The following CIP2A variants were observed in gnomAD, a reference collection of about 807,000 sequenced individuals.
CIP2A encodes the protein protein CIP2A.
CIP2A carries 103 observed loss-of-function variants against 110.9 expected under a neutral mutation model. The ratio of observed to expected loss-of-function variants is 0.93; its 90% CI spans 0.79 to 1.09. CIP2A has a LOEUF of 1.09. CIP2A is among the 50% of genes least tolerant of loss of function. The pLI, the probability that CIP2A is intolerant of heterozygous loss-of-function variation, is 0.00. For synonymous variants in CIP2A, 381 were observed against 361.6 expected, an observed-to-expected ratio of 1.05 and a Z score of -0.61; for missense variants, 1,088 against 1,038.4, an observed-to-expected ratio of 1.05 and a Z score of -0.66.
chr3:108,573,221 T>A (rs745774397), intron 8 of CIP2A, among the ~76,000 whole-genome samples: 2 of 152,014 alleles, frequency 1.3e-5, no homozygotes, highest in Middle Eastern at 3.2e-3. Flanking sequence ...TGCAGTATGT[T>A]CATGAAAGAT....
At chr3:108,579,498 A>G in intron 6 of CIP2A, 68 bp downstream of exon 6, 4 of 1,560,056 alleles carry the variant, frequency 2.6e-6, no homozygotes, top group Non-Finnish European at 3.5e-6. Flanking sequence ...GTAAAAATAA[A>G]AAAGTCTCAA....
intron 10 of CIP2A, among the ~76,000 whole-genome samples, chr3:108,567,275 T>G (rs1228944243): frequency 1.3e-5 from 2 of 151,624 alleles, no homozygotes; most frequent in African/African-American, 2.4e-5. Context: ...CTCCAGGTGA[T>G]TTTAGGTAGG....
At chr3:108,571,119 C>T (rs919860714) in intron 8 of CIP2A, among the ~76,000 whole-genome samples, 1 of 152,158 alleles carries the variant, frequency 6.6e-6, no homozygotes, top group African/African-American at 2.4e-5. Flanking sequence ...GGCAGTAACA[C>T]ACAGGGAGCT....
In CIP2A at chr3:108,585,149, A is replaced by G; in HGVS notation, c.166T>C (p.Leu56=). The change falls in exon 2 of 21, where the codon TTG becomes CTG. Residue 56 remains leucine, a synonymous_variant. Coordinates refer to ENST00000295746, the MANE Select transcript of CIP2A (RefSeq NM_020890.3). ...TSNQILTSEC[L]SCLVELLEDP... ...TCAAGTAGCTCTACAAGGCAACTCA[A>G]GCATTCACTTGTTAATATCTGATTT... The G allele has an allele frequency of 6.2e-7, 1 of 1,613,278 alleles. No homozygotes were observed. Among genetic ancestry groups the G allele is most frequent in the African/African-American group, 1.3e-5 (1 of 75,020 alleles).
At chr3:108,565,999 T>A (rs897529342) in intron 11 of CIP2A, among the ~76,000 whole-genome samples, 2 of 151,716 alleles carry the variant, frequency 1.3e-5, no homozygotes, top group African/African-American at 4.8e-5. Flanking sequence ...TAGATGGACT[T>A]AATTCATGAG....
chr3:108,566,148 T>G (rs1384013305), intron 11 of CIP2A, among the ~76,000 whole-genome samples: 3 of 151,780 alleles, frequency 2.0e-5, no homozygotes, highest in Non-Finnish European at 4.4e-5. Flanking sequence ...GTAATAAAAC[T>G]ACTCTTCTGT....
chr3:108,568,198 T>C lies in CIP2A; in HGVS notation c.1230A>G (p.Arg410=), dbSNP rs780329426. The change falls in exon 10 of 21, where the codon AGA becomes AGG. Residue 410 remains arginine, a synonymous_variant. Coordinates refer to ENST00000295746, the MANE Select transcript of CIP2A (RefSeq NM_020890.3). ...TEQNLDEALT[R]KKCERIAKAI... ...CCTTGGCAATCCTTTCACATTTTTT[T>C]CTTGTTAAAGCCTCATCTAGATTTT... 4 of 1,612,126 alleles carry C rather than the reference T, an allele frequency of 2.5e-6. No individual in the cohort carries two copies. In the African/African-American group the frequency reaches 4.0e-5, roughly 16 times the overall value.
Position 108,554,480 on chromosome 3 carries a change from ACTTTC to A in CIP2A, c.2215_2219del (p.Glu739TyrfsTer2). 2 of 1,378,578 alleles carry A rather than the reference ACTTTC, an allele frequency of 1.5e-6. No individual in the cohort carries two copies. The highest frequency in any genetic ancestry group is 2.0e-6 in the Non-Finnish European group (2 of 983,986). The allele number at this position is 1,378,578 out of a possible 1,614,324, so 85.4% of individuals were successfully genotyped here. ...GTAAATCTTTATTCTTCTTTTCAGTACTTTCATTTCTGAAAAGACAAGAAAATGAG... is the reference window on the plus strand; with the variant it reads ...GTAAATCTTTATTCTTCTTTTCAGTAATTTCTGAAAAGACAAGAAAATGAG... On this transcript the variant is annotated frameshift_variant, in exon 18 of 21. Transcript: ENST00000295746. LOFTEE classifies it high-confidence loss of function.
chr3:108,569,365 T>A (rs1234652656), intron 9 of CIP2A, 24 bp downstream of exon 9: 1 of 1,541,352 alleles, frequency 6.5e-7, no homozygotes, highest in African/African-American at 1.4e-5. Context: ...AGTAGAAAAG[T>A]CAATCTGTCA....
intron 8 of CIP2A, among the ~76,000 whole-genome samples, chr3:108,575,753 TGTGTATATATAC>T (rs1182969829): frequency 1.7e-5 from 1 of 57,434 alleles, no homozygotes; most frequent in Non-Finnish European, 3.5e-5. Flanking sequence ...CTCATATACA[TGTGTATATATAC>T]GTGTATATAT....
At chr3:108,575,477 C>T (rs111066855) in intron 8 of CIP2A, among the ~76,000 whole-genome samples, 35,622 of 131,368 alleles carry the variant, frequency 0.27, 6,676 homozygotes, top group Middle Eastern at 0.38. Flanking sequence ...AGTATATATA[C>T]ACATATATGC....
In CIP2A at chr3:108,568,368, A is replaced by AG. The variant is rs566463253; in HGVS notation, c.1114-55dup. ...AAAGCAAAGATGGAATATACAATAC[A>AG]GAAAAAGTCATCACTGAATTGTAAC... On this transcript the variant is annotated intron_variant, in intron 9 of 20. Transcript: ENST00000295746. 4,940 of 1,455,942 alleles carry AG rather than the reference A, an allele frequency of 3.4e-3. 19 individuals are homozygous for AG. Among genetic ancestry groups the AG allele is most frequent in the Non-Finnish European group, 4.1e-3 (4,332 of 1,057,384 alleles). 90.2% of individuals were successfully genotyped at this position (1,455,942 alleles called of 1,614,324 possible).
chr3:108,554,514 G>T (rs747598180), intron 17 of CIP2A, 25 bp from the exon 18 acceptor site: 1 of 964,318 alleles, frequency 1.0e-6, no homozygotes, highest in South Asian at 1.5e-5. Flanking sequence ...AAATGAGTTG[G>T]CATCATTATG....
chr3:108,587,110 C>G (rs978833671), intron 1 of CIP2A, among the ~76,000 whole-genome samples: 1 of 152,086 alleles, frequency 6.6e-6, no homozygotes, highest in African/African-American at 2.4e-5. Flanking sequence ...TGGCATATTT[C>G]AGAAAATTGT....
intron 1 of CIP2A, among the ~76,000 whole-genome samples, chr3:108,586,938 C>T (rs1939061979): frequency 6.6e-6 from 1 of 152,220 alleles, no homozygotes; most frequent in African/African-American, 2.4e-5. Context: ...TCTCTCTTTG[C>T]ATACTCAGAT....
chr3:108,554,033 T>C (rs1937700640), intron 18 of CIP2A, among the ~76,000 whole-genome samples: 1 of 151,106 alleles, frequency 6.6e-6, no homozygotes, highest in Non-Finnish European at 1.5e-5. Flanking sequence ...GTAGCGGAGA[T>C]TACAGGCACC....
At position 108,566,386 on chromosome 3, in the gene CIP2A, TGTTATATCTTAA is replaced by T. The variant is rs1256718536; in HGVS notation, c.1415+99_1415+110del. 1.9e-5 allele frequency: 14 copies of T among 721,666 alleles called. No individual in the cohort carries two copies. The African/African-American group carries it at 2.4e-4, about 12-fold the overall frequency. The allele number at this position is 721,666 out of a possible 1,614,324, so 44.7% of individuals were successfully genotyped here. A position where few individuals can be genotyped will look rare whatever the true frequency, so the allele number is the denominator to read the frequency against. ...CATTATGAAAATATGTTTGTTAATC[TGTTATATCTTAA>T]GTTATAACCAAAGGATGGTCCTCCA... On this transcript the variant is annotated intron_variant, in intron 11 of 20. Transcript: ENST00000295746.
At chr3:108,551,885 T>C (rs1937605531) in intron 20 of CIP2A, among the ~76,000 whole-genome samples, 1 of 152,142 alleles carries the variant, frequency 6.6e-6, no homozygotes, top group Non-Finnish European at 1.5e-5. Flanking sequence ...AGACTCAGTT[T>C]CTTCAGTTGT....
rs1939241334 is a variant in CIP2A, at chr3:108,589,431, T to C, written c.-56A>G. The C allele has an allele frequency of 3.1e-6, 4 of 1,300,804 alleles. No individual in the cohort carries two copies. Among genetic ancestry groups the C allele is most frequent in the East Asian group, 5.0e-5 (2 of 40,388 alleles). The allele number at this position is 1,300,804 out of a possible 1,614,324, so 80.6% of individuals were successfully genotyped here. A position where few individuals can be genotyped will look rare whatever the true frequency, so the allele number is the denominator to read the frequency against. On this transcript the variant is annotated 5_prime_UTR_variant, in exon 1 of 21. Coordinates refer to ENST00000295746, the MANE Select transcript of CIP2A (RefSeq NM_020890.3). Reference sequence around the variant, plus strand: ...CCACCGCCCAGCGTGCGCCGGCCTTTAGCTTTCGCCGCGCTTTTTTTGATT... The same window carrying C: ...CCACCGCCCAGCGTGCGCCGGCCTTCAGCTTTCGCCGCGCTTTTTTTGATT...
Sources: gnomAD v4.1 joint callset for allele counts (sites outside exome capture counted in the v4.1 genomes callset) on GRCh38, gnomAD v4.1.1 for gene constraint, MANE v1.5 for transcripts, NCBI Gene and HGNC (gene_info 2026-07-23, HGNC 2026-07-21) for gene names.